Variants in KAZN observed in about 807,000 individuals in gnomAD.
KAZN encodes kazrin, periplakin interacting protein.
A neutral mutation model predicts 87.4 loss-of-function variants in KAZN; 40 were observed. The observed-to-expected ratio is 0.46, with a 90% CI of 0.36 to 0.60. The LOEUF (loss-of-function observed/expected upper bound fraction) is 0.60, where lower values mean the gene tolerates loss of function less well. Among genes scored for constraint, KAZN ranks in the 20% least tolerant of loss-of-function variants. The pLI, the probability that KAZN is intolerant of heterozygous loss-of-function variation, is 0.00. For synonymous variants in KAZN, 466 were observed against 458.3 expected (o/e 1.02, Z -0.22); for missense variants, 898 against 1,073.9 (o/e 0.84, Z 2.29).
At chr1:14,158,874 A>T (rs1645651075) in intron 1 of KAZN, among the ~76,000 whole-genome samples, 1 of 152,174 alleles carries the variant, frequency 6.6e-6, no homozygotes, top group Non-Finnish European at 1.5e-5. Context: ...TACTGCCTTT[A>T]TGGTCTTGGG....
chr1:14,606,938 G>A (rs1302288571), intron 1 of KAZN, among the ~76,000 whole-genome samples: 1 of 152,194 alleles, frequency 6.6e-6, no homozygotes. Context: ...TTTTTATGCA[G>A]TGGTGTTAGG....
intron 2 of KAZN, among the ~76,000 whole-genome samples, chr1:14,371,579 G>A (rs1207790029): frequency 2.0e-5 from 3 of 152,066 alleles, no homozygotes; most frequent in Non-Finnish European, 2.9e-5. Context: ...AAAGAAGAGA[G>A]TTTCTTGGTA....
chr1:15,041,399 G>A (rs1186483724), intron 3 of KAZN, among the ~76,000 whole-genome samples: 7 of 146,750 alleles, frequency 4.8e-5, no homozygotes, highest in Non-Finnish European at 1.0e-4. Context: ...GTGCAATGGC[G>A]GGATCTCGGC....
At chr1:14,771,628 C>T (rs964163788) in intron 1 of KAZN, among the ~76,000 whole-genome samples, 4 of 152,066 alleles carry the variant, frequency 2.6e-5, no homozygotes, top group African/African-American at 9.7e-5. Flanking sequence ...GAGTTTGAGA[C>T]CAGCCTGACC....
At chr1:14,643,698 G>T (rs1237162033) in intron 1 of KAZN, among the ~76,000 whole-genome samples, 2 of 152,074 alleles carry the variant, frequency 1.3e-5, no homozygotes, top group African/African-American at 4.8e-5. Context: ...AGGATTGCTG[G>T]GTTGAACAGT....
chr1:14,822,287 A>T (rs1235777968), intron 1 of KAZN, among the ~76,000 whole-genome samples: 1 of 152,156 alleles, frequency 6.6e-6, no homozygotes, highest in Non-Finnish European at 1.5e-5. Context: ...TGGACTAGAG[A>T]TACTGATTCA....
rs546613496 is a variant in KAZN at position 15,010,670 on chromosome 1, G to A, written c.419-24079G>A. ...CCTCCCAAAGTGCTGGATTACAGGC[G>A]TGAGCCACCACTCCCGGCCCGTCTT... On this transcript the variant is annotated intron_variant, in intron 2 of 14. Transcript: ENST00000376030. 3.2e-3 allele frequency among the ~76,000 whole-genome samples: 490 copies of A among 152,224 alleles called. 3 individuals carry two copies. Among genetic ancestry groups the A allele is most frequent in the African/African-American group, 0.011 (466 of 41,540 alleles).
intron 2 of KAZN, among the ~76,000 whole-genome samples, chr1:14,495,832 G>T (rs1405661428): frequency 6.6e-6 from 1 of 152,166 alleles, no homozygotes; most frequent in Admixed American, 6.5e-5. Flanking sequence ...GATGCAAAAT[G>T]CATCGAGGAA....
chr1:14,427,226 C>T (rs892568612), intron 2 of KAZN, among the ~76,000 whole-genome samples: 6 of 152,138 alleles, frequency 3.9e-5, no homozygotes, highest in African/African-American at 9.7e-5. Flanking sequence ...TTCATGGTGT[C>T]GGTACACCCT....
chr1:13,970,233 A>G (rs1001486233), intron 1 of KAZN, among the ~76,000 whole-genome samples: 1 of 152,244 alleles, frequency 6.6e-6, no homozygotes, highest in Non-Finnish European at 1.5e-5. Flanking sequence ...AGAAAGTGAT[A>G]TCTGTCAGTG....
At chr1:14,247,673 A>G (rs1649638611) in intron 2 of KAZN, among the ~76,000 whole-genome samples, 1 of 152,246 alleles carries the variant, frequency 6.6e-6, no homozygotes, top group African/African-American at 2.4e-5. Flanking sequence ...AAATGAGACC[A>G]TTCAAGGTGT....
intron 1 of KAZN, among the ~76,000 whole-genome samples, chr1:14,618,321 C>T (rs951975712): frequency 6.6e-6 from 1 of 152,228 alleles, no homozygotes; most frequent in African/African-American, 2.4e-5. Context: ...GGACTAATCA[C>T]TTTGCCATTC....
intron 1 of KAZN, among the ~76,000 whole-genome samples, chr1:13,959,022 C>T (rs1048123385): frequency 6.6e-6 from 1 of 152,188 alleles, no homozygotes; most frequent in African/African-American, 2.4e-5. Context: ...GGCCCACCCA[C>T]AGTCTTGCTT....
At position 14,949,152 on chromosome 1, in the gene KAZN, CAAA is replaced by C. The variant is rs904376854; in HGVS notation, c.227-11529_227-11527del. 6.5e-5 allele frequency among the ~76,000 whole-genome samples: 6 copies of C among 92,666 alleles called. No individual in the cohort carries two copies. The highest frequency in any genetic ancestry group is 3.6e-4 in the African/African-American group (6 of 16,724). The allele number at this position is 92,666 out of a possible 152,430, so 60.8% of individuals were successfully genotyped here. ...TGGGCAACAGAGTGAGACTCCGACT[CAAA>C]AATAATAATAATAATAATAATAATA... is the stretch of plus-strand genomic sequence containing the variant. On this transcript the variant is annotated intron_variant, in intron 1 of 14. Coordinates refer to ENST00000376030, the MANE Select transcript of KAZN (RefSeq NM_201628.3). The surrounding 1 kb of genome is among the most constrained non-coding windows in gnomAD (Gnocchi z 4.3).
At chr1:14,261,737 T>C (rs1413091642) in intron 2 of KAZN, among the ~76,000 whole-genome samples, 1 of 152,194 alleles carries the variant, frequency 6.6e-6, no homozygotes, top group African/African-American at 2.4e-5. Flanking sequence ...CTCTCTTGGC[T>C]TAAGAGTTTC....
chr1:14,740,663 C>A (rs151256505), intron 1 of KAZN, among the ~76,000 whole-genome samples: 1 of 152,298 alleles, frequency 6.6e-6, no homozygotes, highest in African/African-American at 2.4e-5. Flanking sequence ...CGCCCGCACT[C>A]CCATCTCAGG....
intron 2 of KAZN, among the ~76,000 whole-genome samples, chr1:14,268,345 G>C (rs1176180770): frequency 1.3e-5 from 2 of 152,038 alleles, no homozygotes; most frequent in Admixed American, 6.5e-5. Context: ...CATATCCTCA[G>C]ATGAATAGAT....
At chr1:14,032,116 C>T (rs551139678) in intron 1 of KAZN, among the ~76,000 whole-genome samples, 2 of 152,272 alleles carry the variant, frequency 1.3e-5, no homozygotes, top group South Asian at 2.1e-4. Context: ...AACAACTTCC[C>T]ATCCCCTGGC....
intron 1 of KAZN, among the ~76,000 whole-genome samples, chr1:14,155,322 A>G (rs1204944351): frequency 6.6e-6 from 1 of 152,170 alleles, no homozygotes; most frequent in Non-Finnish European, 1.5e-5. Context: ...ATTGGCATAT[A>G]GTTGCTGAAA....
Sources: allele counts gnomAD v4.1 joint callset (sites outside exome capture counted in the v4.1 genomes callset), GRCh38; gene constraint gnomAD v4.1.1; non-coding constraint Gnocchi (gnomAD v3.1); transcripts MANE v1.5; gene names NCBI Gene and HGNC (gene_info 2026-07-23, HGNC 2026-07-21).